The following P4HA1 variants were observed in gnomAD, a reference collection of about 807,000 sequenced individuals.
P4HA1 encodes prolyl 4-hydroxylase subunit alpha 1, also known as prolyl 4-hydroxylase subunit alpha-1.
P4HA1 carries 24 observed loss-of-function variants against 72.8 expected under a neutral mutation model. That is an observed-to-expected ratio of 0.33 (90% CI 0.24 to 0.46). P4HA1 has a LOEUF of 0.46. Among genes scored for constraint, P4HA1 ranks in the 20% least tolerant of loss-of-function variants. P4HA1 has a pLI of 1.00. For synonymous variants in P4HA1, 201 were observed against 218.8 expected, an observed-to-expected ratio of 0.92 and a Z score of 0.72; for missense variants, 446 against 640.6, an observed-to-expected ratio of 0.70 and a Z score of 3.28.
At chr10:73,041,205 A>G (rs1358151516) in intron 9 of P4HA1, among the ~76,000 whole-genome samples, 1 of 152,148 alleles carries the variant, frequency 6.6e-6, no homozygotes, top group East Asian at 1.9e-4. Flanking sequence ...GAGCAGAAGC[A>G]GGTCTCTCTG....
intron 5 of P4HA1, among the ~76,000 whole-genome samples, chr10:73,059,461 A>AAAAGGGG (rs1841254204): frequency 7.1e-6 from 1 of 140,620 alleles, no homozygotes; most frequent in Non-Finnish European, 1.5e-5. Context: ...AAAAAAAAAA[A>AAAAGGGG]GGCTGGGCGC....
intron 14 of P4HA1, among the ~76,000 whole-genome samples, chr10:73,008,827 T>A (rs1303509972): frequency 1.9e-5 from 2 of 106,028 alleles, no homozygotes; most frequent in East Asian, 7.7e-4. Context: ...TAATTTTCTA[T>A]TTTTTTTTTG....
rs552213217 is a variant in P4HA1 at position 73,013,615 on chromosome 10, G to A, written c.1368+609C>T. On this transcript the variant is annotated intron_variant, in intron 12 of 14. Coordinates refer to ENST00000394890, the MANE Select transcript of P4HA1 (RefSeq NM_001017962.3). Reference sequence around the variant, plus strand: ...ACCACTCAGAAAGGAGAGTTTTGGAGTGCTTTATTTGGGGTAACTAGAACA... The same window carrying A: ...ACCACTCAGAAAGGAGAGTTTTGGAATGCTTTATTTGGGGTAACTAGAACA... 3.9e-5 allele frequency among the ~76,000 whole-genome samples: 6 copies of A among 152,298 alleles called. No homozygotes were observed. In the South Asian group the frequency reaches 1.0e-3, roughly 26 times the overall value.
At chr10:73,087,001 C>T (rs1259410528) in intron 1 of P4HA1, among the ~76,000 whole-genome samples, 3 of 149,412 alleles carry the variant, frequency 2.0e-5, no homozygotes, top group Admixed American at 6.7e-5. Flanking sequence ...GGGTAAATAC[C>T]TAGGAGCGGG....
At chr10:73,053,702 T>A in intron 5 of P4HA1, 112 bp from the exon 6 acceptor site, 1 of 912,814 alleles carries the variant, frequency 1.1e-6, no homozygotes, top group Non-Finnish European at 1.7e-6. Flanking sequence ...TTCACAATAA[T>A]CCTCTGGATG....
At chr10:73,095,226 C>CTA (rs1554844112) in intron 1 of P4HA1, among the ~76,000 whole-genome samples, 2 of 69,022 alleles carry the variant, frequency 2.9e-5, no homozygotes, top group Non-Finnish European at 5.1e-5. Flanking sequence ...CGCTCACAAG[C>CTA]TAAAAAAAAA....
intron 10 of P4HA1, among the ~76,000 whole-genome samples, chr10:73,024,611 G>A (rs2133051872): frequency 6.6e-6 from 1 of 152,212 alleles, no homozygotes; most frequent in South Asian, 2.1e-4. Flanking sequence ...AAATTCAAAA[G>A]CTAGCAGAAG....
At chr10:73,037,542 TATATATATATATATATATATATATATATA>T (rs1461206906) in intron 9 of P4HA1, among the ~76,000 whole-genome samples, 9 of 22,750 alleles carry the variant, frequency 4.0e-4, no homozygotes, top group African/African-American at 8.3e-4. Context: ...TATATATATA[TATATATATATATATATATATATATATATA>T]TTTTTTTTTT....
chr10:73,086,933 CAAAAAAAAAAAAAAA>C (rs59200288), intron 1 of P4HA1, among the ~76,000 whole-genome samples: 1 of 33,098 alleles, frequency 3.0e-5, no homozygotes, highest in Non-Finnish European at 7.7e-5. Context: ...GAGTGCATCT[CAAAAAAAAAAAAAAA>C]AAAAAAAAAA....
chr10:73,053,364 C>T lies in P4HA1; in HGVS notation c.690G>A (p.Lys230=). The T allele has an allele frequency of 6.2e-7, 1 of 1,614,064 alleles. No homozygotes were observed. The highest frequency in any genetic ancestry group is 1.7e-5 in the Admixed American group (1 of 60,004). ...CAGATAACATACCTAGTTCAAGAAG[C>T]TTCTTTGTGAGCAAAAGTGCCTTAT... The part of the protein sequence containing the change: ...DLDKALLLTK[K]LLELDPEHQR... Residue 230 remains lysine (K), a synonymous_variant, in exon 6 of 15, where the codon AAG becomes AAA. Transcript: ENST00000394890.
intron 1 of P4HA1, among the ~76,000 whole-genome samples, chr10:73,087,262 G>C (rs1044712647): frequency 6.7e-6 from 1 of 148,396 alleles, no homozygotes; most frequent in Non-Finnish European, 1.5e-5. Flanking sequence ...GATGTTTAAT[G>C]CCTTTATTTT....
intron 7 of P4HA1, among the ~76,000 whole-genome samples, chr10:73,050,182 A>T (rs1462845331): frequency 6.6e-6 from 1 of 151,296 alleles, no homozygotes; most frequent in African/African-American, 2.4e-5. Context: ...AAAAAAAAAA[A>T]TACTGCTGAA....
rs760216567 is a variant in P4HA1 at position 73,008,208 on chromosome 10, G to A, written c.*14C>T. 8 of 1,564,216 alleles carry A rather than the reference G, an allele frequency of 5.1e-6. No homozygotes were observed. Among genetic ancestry groups the A allele is most frequent in the Middle Eastern group, 1.7e-4 (1 of 5,956 alleles). On this transcript the variant is annotated 3_prime_UTR_variant, in exon 15 of 15. Transcript: ENST00000394890. Reference sequence around the variant, plus strand: ...TAAGAGTACAACAATAGGAGAAAAAGGGAAGCCTGTTTGTCATTCCAATTC... The same window carrying A: ...TAAGAGTACAACAATAGGAGAAAAAAGGAAGCCTGTTTGTCATTCCAATTC...
chr10:73,050,035 G>A (rs1410479858), intron 7 of P4HA1, among the ~76,000 whole-genome samples: 4 of 151,962 alleles, frequency 2.6e-5, no homozygotes, highest in Non-Finnish European at 4.4e-5. Context: ...GCATGGTGGC[G>A]AATGCCTGTA....
chr10:73,011,740 A>G (rs942116076), intron 12 of P4HA1, among the ~76,000 whole-genome samples: 1 of 152,146 alleles, frequency 6.6e-6, no homozygotes, highest in Non-Finnish European at 1.5e-5. Flanking sequence ...TCACAGAGCA[A>G]AACCCAGCTA....
chr10:73,096,573 C>A (rs1842173256), intron 1 of P4HA1, among the ~76,000 whole-genome samples, 193 bp downstream of exon 1: 1 of 152,158 alleles, frequency 6.6e-6, no homozygotes, highest in South Asian at 2.1e-4. Flanking sequence ...GGAGCGCGGG[C>A]GCCGGGAGTC....
At position 73,046,911 on chromosome 10, in the gene P4HA1, A is replaced by C. The variant is rs1840878956; in HGVS notation, c.1077+14T>G. On this transcript the variant is annotated intron_variant, in intron 8 of 14. Coordinates refer to ENST00000394890, the MANE Select transcript of P4HA1 (RefSeq NM_001017962.3). ...TACAGTAAATTGAGGAGAAAGAAAG[A>C]AAACATTATTTACCCTTGGTTTTGC... 6.4e-7 allele frequency: 1 copy of C among 1,564,176 alleles called. No homozygotes were observed. Among genetic ancestry groups the C allele is most frequent in the Non-Finnish European group, 8.7e-7 (1 of 1,145,522 alleles).
chr10:73,095,226 C>CT (rs1238594937), intron 1 of P4HA1, among the ~76,000 whole-genome samples: 46 of 69,050 alleles, frequency 6.7e-4, no homozygotes, highest in Admixed American at 2.6e-3. Flanking sequence ...CGCTCACAAG[C>CT]TAAAAAAAAA....
intron 8 of P4HA1, 149 bp from the exon 9 acceptor site, chr10:73,045,200 G>GA: frequency 1.8e-6 from 1 of 564,494 alleles, no homozygotes; most frequent in Non-Finnish European, 3.0e-6. Context: ...GCTGAGCCTT[G>GA]AAAGCCAGTT....
Sources: gnomAD v4.1 joint callset for allele counts (sites outside exome capture counted in the v4.1 genomes callset) on GRCh38, gnomAD v4.1.1 for gene constraint, MANE v1.5 for transcripts, NCBI Gene and HGNC (gene_info 2026-07-23, HGNC 2026-07-21) for gene names.